The following CADPS variants were observed in gnomAD, a reference collection of about 807,000 sequenced individuals.
CADPS encodes calcium-dependent secretion activator 1.
In CADPS, 57 loss-of-function variants were observed where a neutral mutation model predicts 167.3. That is an observed-to-expected ratio of 0.34 (90% CI 0.28 to 0.42). CADPS has a LOEUF of 0.42. Among genes scored for constraint, CADPS ranks in the 20% least tolerant of loss-of-function variants. The probability of loss-of-function intolerance (pLI) is 1.00; values close to 1 mark genes in which losing one functional copy is unlikely to be tolerated. For synonymous variants in CADPS, 676 were observed against 635.3 expected, an observed-to-expected ratio of 1.06 and a Z score of -0.96; for missense variants, 1,414 against 1,738.1, an observed-to-expected ratio of 0.81 and a Z score of 3.32.
At chr3:62,503,051 AC>A (rs71629164) in intron 17 of CADPS, among the ~76,000 whole-genome samples, 3 of 122,934 alleles carry the variant, frequency 2.4e-5, no homozygotes, top group African/African-American at 9.4e-5. Context: ...GTCACCAGCA[AC>A]CCCCACCCAC....
chr3:62,522,631 TG>T lies in CADPS; in HGVS notation c.2292-4382del, dbSNP rs2070972956. Among the ~76,000 whole-genome samples the T allele has an allele frequency of 2.0e-5, 3 of 152,310 alleles. No homozygotes were observed. In the South Asian group the frequency reaches 6.2e-4, roughly 32 times the overall value. On this transcript the variant is annotated intron_variant, in intron 13 of 29. Coordinates refer to ENST00000383710, the MANE Select transcript of CADPS (RefSeq NM_003716.4). ...CAGAGTTAGTTTTTGTTACTTATAT[TG>T]AACTCGATATAAGTTCATAAAGCAC... is the stretch of plus-strand genomic sequence containing the variant.
chr3:62,819,556 T>A (rs930375265), intron 1 of CADPS, among the ~76,000 whole-genome samples: 3 of 152,038 alleles, frequency 2.0e-5, no homozygotes, highest in Non-Finnish European at 4.4e-5. Context: ...TCTAAACTCT[T>A]GGAATATCCT....
chr3:62,456,656 G>A (rs1332410502), intron 26 of CADPS, among the ~76,000 whole-genome samples: 8 of 151,852 alleles, frequency 5.3e-5, no homozygotes, highest in African/African-American at 1.9e-4. Context: ...AGTAGCATCT[G>A]AGGTCCCATG....
At position 62,651,090 on chromosome 3, in the gene CADPS, A is replaced by G. The variant is rs1301609008; in HGVS notation, c.970-10T>C. ...TGGGAAATTTGCGTTCCTTGGGAAG[A>G]AAAAGAAAAGTATGAGCAGAGGAGA... On this transcript the variant is annotated splice_polypyrimidine_tract_variant and intron_variant, in intron 4 of 29. Coordinates refer to ENST00000383710, the MANE Select transcript of CADPS (RefSeq NM_003716.4). 6.3e-7 allele frequency: 1 copy of G among 1,590,808 alleles called. No individual in the cohort carries two copies. Among genetic ancestry groups the G allele is most frequent in the Admixed American group, 1.7e-5 (1 of 59,752 alleles).
intron 1 of CADPS, among the ~76,000 whole-genome samples, chr3:62,801,755 A>G (rs1392334447): frequency 2.0e-5 from 3 of 149,870 alleles, no homozygotes; most frequent in Non-Finnish European, 3.0e-5. Context: ...TTTACGGATT[A>G]AAAAAAAAGG....
At chr3:62,641,211 T>C (rs926498648) in intron 6 of CADPS, among the ~76,000 whole-genome samples, 3 of 152,138 alleles carry the variant, frequency 2.0e-5, no homozygotes, top group African/African-American at 4.8e-5. Flanking sequence ...GGCTATGAAA[T>C]CTTAACTGGA....
At chr3:62,598,230 C>T (rs974617849) in intron 6 of CADPS, among the ~76,000 whole-genome samples, 1 of 152,080 alleles carries the variant, frequency 6.6e-6, no homozygotes, top group African/African-American at 2.4e-5. Flanking sequence ...AGGTCACATG[C>T]CCCTCAAGCT....
chr3:62,792,438 A>G (rs752727225), intron 1 of CADPS, among the ~76,000 whole-genome samples: 2 of 152,044 alleles, frequency 1.3e-5, no homozygotes, highest in Non-Finnish European at 2.9e-5. Context: ...TCCTGGGCTC[A>G]GGTAATGCTC....
intron 28 of CADPS, among the ~76,000 whole-genome samples, chr3:62,427,233 G>A (rs1399322063): frequency 6.6e-6 from 1 of 152,082 alleles, no homozygotes; most frequent in Non-Finnish European, 1.5e-5. Flanking sequence ...AAAATTAGGT[G>A]TTAATAATTG....
rs376595440 is a variant in CADPS, at chr3:62,585,304, C to T, written c.1458G>A (p.Pro486=). The part of the protein sequence containing the change: ...ELGRVILHPT[P]NSPKQSEWHK... Reference sequence around the variant, plus strand: ...GCCACTCTGACTGTTTGGGGCTGTTCGGGGTGGGATGGAGAATAACCTGTA... The same window carrying T: ...GCCACTCTGACTGTTTGGGGCTGTTTGGGGTGGGATGGAGAATAACCTGTA... Residue 486 remains proline, a synonymous_variant, in exon 8 of 30, where the codon CCG becomes CCA. Coordinates refer to ENST00000383710, the MANE Select transcript of CADPS (RefSeq NM_003716.4). The T allele has an allele frequency of 5.6e-5, 90 of 1,610,680 alleles. No individual in the cohort carries two copies. The Middle Eastern group carries it at 2.6e-3, about 47-fold the overall frequency.
chr3:62,871,397 G>T (rs964848094), intron 1 of CADPS, among the ~76,000 whole-genome samples: 2 of 152,004 alleles, frequency 1.3e-5, no homozygotes, highest in African/African-American at 2.4e-5. Flanking sequence ...ATATTTGATG[G>T]GTGTACAGGG....
chr3:62,646,319 CAT>C (rs771385808), intron 5 of CADPS, among the ~76,000 whole-genome samples: 17 of 152,028 alleles, frequency 1.1e-4, no homozygotes, highest in Middle Eastern at 3.4e-3. Context: ...TGCACGCCAC[CAT>C]GCCCAGCTAA....
intron 28 of CADPS, among the ~76,000 whole-genome samples, chr3:62,409,753 C>T (rs1036322284): frequency 6.6e-5 from 10 of 152,108 alleles, no homozygotes; most frequent in Non-Finnish European, 1.5e-4. Flanking sequence ...AAAGCTATAA[C>T]GTTGATCAAA....
chr3:62,720,282 C>G (rs2075498705), intron 3 of CADPS, among the ~76,000 whole-genome samples: 1 of 151,388 alleles, frequency 6.6e-6, no homozygotes, highest in South Asian at 2.1e-4. Flanking sequence ...ATTTCAACTT[C>G]ACAAGAATGC....
At chr3:62,663,870 T>G (rs1274238730) in intron 3 of CADPS, among the ~76,000 whole-genome samples, 1 of 152,194 alleles carries the variant, frequency 6.6e-6, no homozygotes, top group East Asian at 1.9e-4. Flanking sequence ...GGAGAAGGAC[T>G]TTTCCTTAGA....
intron 10 of CADPS, 123 bp from the exon 11 acceptor site, chr3:62,550,238 A>G: frequency 1.5e-6 from 1 of 684,506 alleles, no homozygotes. Context: ...GTAGTGATTA[A>G]CTTAGGATGG....
intron 1 of CADPS, among the ~76,000 whole-genome samples, chr3:62,797,178 T>C (rs931171615): frequency 6.6e-6 from 1 of 152,174 alleles, no homozygotes; most frequent in Non-Finnish European, 1.5e-5. Flanking sequence ...TTGTTTTTTT[T>C]CCTCAGGGAG....
chr3:62,662,093 G>A (rs942403779), intron 4 of CADPS, among the ~76,000 whole-genome samples: 11 of 152,172 alleles, frequency 7.2e-5, no homozygotes, highest in African/African-American at 2.7e-4. Flanking sequence ...AATGTTGGAG[G>A]TCTGAGCTTG....
At chr3:62,551,414 G>A (rs1161280928) in intron 10 of CADPS, among the ~76,000 whole-genome samples, 1 of 152,158 alleles carries the variant, frequency 6.6e-6, no homozygotes, top group African/African-American at 2.4e-5. Context: ...CATCATAAAT[G>A]TAGCCAGGAT....
Sources: gnomAD v4.1 joint callset for allele counts (sites outside exome capture counted in the v4.1 genomes callset) on GRCh38, gnomAD v4.1.1 for gene constraint, MANE v1.5 for transcripts, NCBI Gene and HGNC (gene_info 2026-07-23, HGNC 2026-07-21) for gene names.